Variants in PIK3AP1 observed in about 807,000 individuals in gnomAD.
PIK3AP1 encodes phosphoinositide-3-kinase adaptor protein 1.
A neutral mutation model predicts 88.1 loss-of-function variants in PIK3AP1; 21 were observed. The observed-to-expected ratio is 0.24, with a 90% confidence interval of 0.17 to 0.34. PIK3AP1 has a LOEUF of 0.34. Ranked by LOEUF, PIK3AP1 falls within the 10% of genes least tolerant of loss-of-function variation. The pLI is 1.00. For synonymous variants in PIK3AP1, 398 were observed against 400.0 expected, an observed-to-expected ratio of 1.00 and a Z score of 0.06; for missense variants, 828 against 1,035.7, an observed-to-expected ratio of 0.80 and a Z score of 2.75.
chr10:96,651,400 T>C lies in PIK3AP1; in HGVS notation c.856-20A>G, dbSNP rs906745410. ...AAAGGCCTGAAAACAAAAGTGAAGA[T>C]GGTCAGATCTGAAATCCAGCTCTCT... On this transcript the variant is annotated intron_variant, in intron 5 of 16. Coordinates refer to ENST00000339364, the MANE Select transcript of PIK3AP1 (RefSeq NM_152309.3). The C allele has an allele frequency of 1.2e-6, 2 of 1,614,184 alleles. No homozygotes were observed. The highest frequency in any genetic ancestry group is 1.7e-6 in the Non-Finnish European group (2 of 1,180,024).
At chr10:96,612,273 C>A (rs909843967) in intron 13 of PIK3AP1, among the ~76,000 whole-genome samples, 1 of 152,184 alleles carries the variant, frequency 6.6e-6, no homozygotes, top group Admixed American at 6.5e-5. Context: ...ACCAGCCCTT[C>A]TCTAATTTCC....
At chr10:96,701,896 A>C (rs1844302920) in intron 2 of PIK3AP1, among the ~76,000 whole-genome samples, 1 of 152,236 alleles carries the variant, frequency 6.6e-6, no homozygotes, top group African/African-American at 2.4e-5. Flanking sequence ...TAACATTATG[A>C]CAAACACAAA....
At chr10:96,717,585 T>C (rs61856816) in intron 1 of PIK3AP1, among the ~76,000 whole-genome samples, 21,228 of 152,102 alleles carry the variant, frequency 0.14, 1,827 homozygotes, top group East Asian at 0.25. Flanking sequence ...TAAAAGTCCC[T>C]TCAAGCTCCA....
Position 96,594,593 on chromosome 10 carries a change from AC to A in PIK3AP1, c.*983del, listed in dbSNP as rs1201168000. ...TTGTTTTTCCTCCTCAGAAGCCTCA[AC>A]GAAGAAAAAGTCAAAGGTCCTTCTC... On this transcript the variant is annotated 3_prime_UTR_variant, in exon 17 of 17. Coordinates refer to ENST00000339364, the MANE Select transcript of PIK3AP1 (RefSeq NM_152309.3). The surrounding 1 kb of genome is among the most constrained non-coding windows in gnomAD (Gnocchi z 4.6). The A allele has an allele frequency of 1.3e-5, 2 of 152,192 alleles. No homozygotes were observed. The highest frequency in any genetic ancestry group is 4.8e-5 in the African/African-American group (2 of 41,440). The allele number at this position is 152,192 out of a possible 1,614,324, so 9.4% of individuals were successfully genotyped here. A position where few individuals can be genotyped will look rare whatever the true frequency, so the allele number is the denominator to read the frequency against.
At chr10:96,622,696 A>T (rs565729899) in intron 11 of PIK3AP1, among the ~76,000 whole-genome samples, 74 of 152,286 alleles carry the variant, frequency 4.9e-4, no homozygotes, top group African/African-American at 1.7e-3. Context: ...CCTTTGGGGG[A>T]TGCCTTCAAA....
chr10:96,661,494 C>T (rs566487986), intron 2 of PIK3AP1, among the ~76,000 whole-genome samples: 27 of 152,244 alleles, frequency 1.8e-4, no homozygotes, highest in African/African-American at 6.3e-4. Flanking sequence ...AACAAATGTG[C>T]CACTCTGGTG....
chr10:96,714,618 A>G (rs1325796273), intron 1 of PIK3AP1, among the ~76,000 whole-genome samples: 14 of 152,252 alleles, frequency 9.2e-5, no homozygotes, highest in Admixed American at 8.5e-4. Context: ...GTCTAGGATT[A>G]AATACTTCCT....
chr10:96,698,756 G>A (rs544689152), intron 2 of PIK3AP1, among the ~76,000 whole-genome samples: 4 of 151,820 alleles, frequency 2.6e-5, no homozygotes, highest in Admixed American at 2.0e-4. Context: ...AAATAAATAA[G>A]TAAAATAAAT....
At chr10:96,701,581 A>G (rs1436186) in intron 2 of PIK3AP1, among the ~76,000 whole-genome samples, 78,937 of 152,088 alleles carry the variant, frequency 0.52, 20,722 homozygotes, top group Middle Eastern at 0.66. Context: ...GAGGGTACAC[A>G]TTCTCCATAC....
chr10:96,713,664 T>C (rs1239136071), intron 1 of PIK3AP1, among the ~76,000 whole-genome samples: 1 of 152,080 alleles, frequency 6.6e-6, no homozygotes, highest in Non-Finnish European at 1.5e-5. Context: ...GCAACAGCTT[T>C]ACACTGTTCT....
intron 2 of PIK3AP1, among the ~76,000 whole-genome samples, chr10:96,682,122 A>T (rs1844010980): frequency 6.6e-6 from 1 of 152,124 alleles, no homozygotes; most frequent in Admixed American, 6.6e-5. Flanking sequence ...GATTTCGATA[A>T]ACAAACACCT....
At chr10:96,602,434 T>C in intron 15 of PIK3AP1, 36 bp from the exon 16 acceptor site, 5 of 1,543,424 alleles carry the variant, frequency 3.2e-6, no homozygotes, top group African/African-American at 1.4e-5. Context: ...AGGCGAAAAC[T>C]ACATTCAGCA....
At chr10:96,662,394 G>T (rs991637684) in intron 2 of PIK3AP1, among the ~76,000 whole-genome samples, 2 of 151,792 alleles carry the variant, frequency 1.3e-5, no homozygotes, top group Non-Finnish European at 2.9e-5. Flanking sequence ...CTGAGGTCAG[G>T]AGCTCGAGAT....
At chr10:96,648,977 T>C in intron 6 of PIK3AP1, 122 bp from the exon 7 acceptor site, 1 of 757,874 alleles carries the variant, frequency 1.3e-6, no homozygotes, top group Non-Finnish European at 2.0e-6. Context: ...CATTACTTAT[T>C]GATTGACTGA....
intron 2 of PIK3AP1, among the ~76,000 whole-genome samples, chr10:96,687,425 G>A (rs1309881357): frequency 6.6e-6 from 1 of 152,106 alleles, no homozygotes; most frequent in Non-Finnish European, 1.5e-5. Context: ...CACCCCGTGA[G>A]TGCCAATCTC....
At chr10:96,618,065 G>A (rs1409617375) in intron 12 of PIK3AP1, among the ~76,000 whole-genome samples, 1 of 152,186 alleles carries the variant, frequency 6.6e-6, no homozygotes, top group Non-Finnish European at 1.5e-5. Flanking sequence ...CCCCTGAAGG[G>A]GAGATGCTCA....
At chr10:96,598,179 G>C (rs1444937054) in intron 16 of PIK3AP1, among the ~76,000 whole-genome samples, 1 of 151,760 alleles carries the variant, frequency 6.6e-6, no homozygotes, top group Non-Finnish European at 1.5e-5. Flanking sequence ...GAGTACCTGA[G>C]ACTACAGGCA....
At chr10:96,611,244 C>T (rs1849103707) in intron 13 of PIK3AP1, among the ~76,000 whole-genome samples, 2 of 152,144 alleles carry the variant, frequency 1.3e-5, no homozygotes, top group Admixed American at 6.5e-5. Context: ...AGTGTATGGT[C>T]CAAGTGTCCA....
At chr10:96,678,358 C>T (rs77508435) in intron 2 of PIK3AP1, among the ~76,000 whole-genome samples, 17,835 of 152,032 alleles carry the variant, frequency 0.12, 1,767 homozygotes, top group African/African-American at 0.24. Flanking sequence ...TCGCTTGAAC[C>T]CAGGAGGCGG....
Sources: allele counts gnomAD v4.1 joint callset (sites outside exome capture counted in the v4.1 genomes callset), GRCh38; gene constraint gnomAD v4.1.1; non-coding constraint Gnocchi (gnomAD v3.1); transcripts MANE v1.5; gene names NCBI Gene and HGNC (gene_info 2026-07-23, HGNC 2026-07-21).